TSPAN12: variants seen among roughly 807,000 people sequenced by gnomAD.
The protein encoded by TSPAN12 is tetraspanin-12.
In TSPAN12, 19 loss-of-function variants were observed where a neutral mutation model predicts 39.2. The observed-to-expected ratio is 0.49, with a 90% CI of 0.34 to 0.71. TSPAN12 has a LOEUF of 0.71. TSPAN12 is among the 30% of genes least tolerant of loss of function. The probability of loss-of-function intolerance (pLI) is 0.01; values close to 1 mark genes in which losing one functional copy is unlikely to be tolerated. For synonymous variants in TSPAN12, 119 were observed against 124.8 expected (o/e 0.95, Z 0.31); for missense variants, 314 against 359.9 (o/e 0.87, Z 1.03).
At position 120,820,104 on chromosome 7, in the gene TSPAN12, A is replaced by G. The variant is rs890477567; in HGVS notation, c.286-4301T>C. Among the ~76,000 whole-genome samples the G allele has an allele frequency of 4.6e-5, 7 of 152,072 alleles. No individual in the cohort carries two copies. The South Asian group carries it at 1.2e-3, about 27-fold the overall frequency. ...CATGTTTCTTGCTTTCCCAATGCAT[A>G]TGGTTTGATGAGATGGTCTGTACCA... On this transcript the variant is annotated intron_variant, in intron 4 of 7. Coordinates refer to ENST00000222747, the MANE Select transcript of TSPAN12 (RefSeq NM_012338.4).
intron 4 of TSPAN12, among the ~76,000 whole-genome samples, chr7:120,826,278 T>C (rs1413903952): frequency 6.6e-6 from 1 of 152,204 alleles, no homozygotes; most frequent in Non-Finnish European, 1.5e-5. Flanking sequence ...TATGCCAGGA[T>C]GTGCCAGTCT....
chr7:120,837,935 T>C (rs1794509356), intron 4 of TSPAN12, among the ~76,000 whole-genome samples: 1 of 152,178 alleles, frequency 6.6e-6, no homozygotes, highest in Non-Finnish European at 1.5e-5. Context: ...ATCTGAGCTT[T>C]TTTTCTGCCC....
chr7:120,813,088 T>A (rs925832209), intron 5 of TSPAN12, among the ~76,000 whole-genome samples: 1 of 152,188 alleles, frequency 6.6e-6, no homozygotes, highest in African/African-American at 2.4e-5. Flanking sequence ...GGTCTGGTCA[T>A]AAAGTAACAC....
chr7:120,839,824 C>T (rs1294882218), intron 3 of TSPAN12, among the ~76,000 whole-genome samples: 1 of 152,166 alleles, frequency 6.6e-6, no homozygotes, highest in Non-Finnish European at 1.5e-5. Flanking sequence ...TCTGTATAAA[C>T]ATGCTGCCAC....
upstream of TSPAN12, chr7:120,858,287 GC>G (rs1260372871): frequency 6.6e-6 from 1 of 152,318 alleles, no homozygotes; most frequent in Non-Finnish European, 1.5e-5. Context: ...AGAAGTCCGT[GC>G]AGTAAATCCC....
At chr7:120,811,723 T>A (rs1793986345) in intron 5 of TSPAN12, among the ~76,000 whole-genome samples, 2 of 149,110 alleles carry the variant, frequency 1.3e-5, no homozygotes, top group Non-Finnish European at 1.5e-5. Flanking sequence ...TATTCAGCCA[T>A]AAAAAGGAAA....
chr7:120,853,090 A>AT (rs11431943), intron 2 of TSPAN12, among the ~76,000 whole-genome samples: 28,876 of 142,008 alleles, frequency 0.2, 4,786 homozygotes, highest in African/African-American at 0.45. Flanking sequence ...ATCCCAGCAG[A>AT]TTTTTTTTTT....
intron 2 of TSPAN12, among the ~76,000 whole-genome samples, chr7:120,849,235 A>G (rs1272925404): frequency 6.6e-6 from 1 of 152,260 alleles, no homozygotes; most frequent in Non-Finnish European, 1.5e-5. Context: ...TGTCTCTTGC[A>G]AAATACTTAG....
intron 2 of TSPAN12, among the ~76,000 whole-genome samples, chr7:120,854,229 G>T (rs1794826166): frequency 6.6e-6 from 1 of 152,138 alleles, no homozygotes. Context: ...TTTATTTCTA[G>T]GGAACAGATA....
intron 4 of TSPAN12, among the ~76,000 whole-genome samples, chr7:120,836,522 C>T (rs1338823413): frequency 6.6e-6 from 1 of 152,210 alleles, no homozygotes; most frequent in African/African-American, 2.4e-5. Context: ...CTATGCTCAT[C>T]ATCTTCCCAG....
chr7:120,842,703 C>T (rs1028686472), intron 2 of TSPAN12, among the ~76,000 whole-genome samples: 2 of 152,124 alleles, frequency 1.3e-5, no homozygotes, highest in Admixed American at 6.5e-5. Flanking sequence ...AAGTCAGGTT[C>T]AGTTTAAATG....
intron 2 of TSPAN12, among the ~76,000 whole-genome samples, chr7:120,845,533 C>G (rs1369307702): frequency 1.3e-5 from 2 of 152,174 alleles, no homozygotes; most frequent in African/African-American, 2.4e-5. Context: ...ATCTTAAACA[C>G]TTTCCTGCTT....
intron 2 of TSPAN12, among the ~76,000 whole-genome samples, chr7:120,846,643 C>T (rs1794675357): frequency 1.3e-5 from 2 of 152,164 alleles, no homozygotes; most frequent in African/African-American, 2.4e-5. Context: ...CACTCTTTGC[C>T]AGGCACTGTG....
chr7:120,856,251 A>G (rs921803781), intron 2 of TSPAN12, among the ~76,000 whole-genome samples: 3 of 152,100 alleles, frequency 2.0e-5, no homozygotes, highest in Non-Finnish European at 4.4e-5. Flanking sequence ...GAATTCCACC[A>G]CCACCTCCCC....
At chr7:120,793,178 A>C (rs1399351327) in intron 7 of TSPAN12, among the ~76,000 whole-genome samples, 3 of 152,198 alleles carry the variant, frequency 2.0e-5, no homozygotes, top group Non-Finnish European at 4.4e-5. Flanking sequence ...ACACTTAATC[A>C]TTCTGCTGAT....
chr7:120,795,891 G>A (rs1793618889), intron 7 of TSPAN12, among the ~76,000 whole-genome samples: 1 of 152,078 alleles, frequency 6.6e-6, no homozygotes, highest in African/African-American at 2.4e-5. Context: ...TCTCTCTTAG[G>A]AGAACAGAAA....
chr7:120,827,860 G>C (rs1449712703), intron 4 of TSPAN12, among the ~76,000 whole-genome samples: 1 of 152,114 alleles, frequency 6.6e-6, no homozygotes, highest in Non-Finnish European at 1.5e-5. Context: ...CTGAAAAATC[G>C]CTGCAGCGTT....
At chr7:120,814,505 T>G (rs979925037) in intron 5 of TSPAN12, among the ~76,000 whole-genome samples, 5 of 152,162 alleles carry the variant, frequency 3.3e-5, no homozygotes, top group South Asian at 4.1e-4. Context: ...TAAAACAGAA[T>G]TACTCTACAA....
At chr7:120,805,210 A>G (rs1793848134) in intron 7 of TSPAN12, among the ~76,000 whole-genome samples, 1 of 152,086 alleles carries the variant, frequency 6.6e-6, no homozygotes, top group Non-Finnish European at 1.5e-5. Context: ...GTCTTCTGAG[A>G]TATGAGTAAC....
Sources: gnomAD v4.1 joint callset for allele counts (sites outside exome capture counted in the v4.1 genomes callset) on GRCh38, gnomAD v4.1.1 for gene constraint, MANE v1.5 for transcripts, NCBI Gene and HGNC (gene_info 2026-07-23, HGNC 2026-07-21) for gene names.